Variants in PKHD1 observed in about 807,000 individuals in gnomAD.
The protein encoded by PKHD1 is fibrocystin.
In PKHD1, 291 loss-of-function variants were observed where a neutral mutation model predicts 412.0. That is an observed-to-expected ratio of 0.71 (90% confidence interval 0.64 to 0.78). The LOEUF (loss-of-function observed/expected upper bound fraction) is 0.78. Ranked by LOEUF, PKHD1 falls within the 30% of genes least tolerant of loss-of-function variation. The probability of loss-of-function intolerance (pLI) is 0.00; values close to 1 mark genes in which losing one functional copy is unlikely to be tolerated. For synonymous variants in PKHD1, 1,777 were observed against 1,821.5 expected (o/e 0.98, Z 0.62); for missense variants, 4,825 against 4,950.7 (o/e 0.97, Z 0.76).
At chr6:51,977,440 T>G (rs996861609) in intron 35 of PKHD1, among the ~76,000 whole-genome samples, 2 of 152,238 alleles carry the variant, frequency 1.3e-5, no homozygotes, top group Non-Finnish European at 2.9e-5. Flanking sequence ...TTGCCTCCAT[T>G]AGCTTCATCG....
rs563681265 is a variant in PKHD1 at position 51,852,843 on chromosome 6, G to C, written c.7911+3050C>G. Reference sequence around the variant, plus strand: ...GGTCTCCTGAATACAGCACACTGATGGGTGCCTGACTCCTTATCCAATTTG... The same window carrying C: ...GGTCTCCTGAATACAGCACACTGATCGGTGCCTGACTCCTTATCCAATTTG... On this transcript the variant is annotated intron_variant, in intron 49 of 66. Coordinates refer to ENST00000371117, the MANE Select transcript of PKHD1 (RefSeq NM_138694.4). Among the ~76,000 whole-genome samples the C allele has an allele frequency of 1.3e-3, 195 of 151,980 alleles. 1 individual carries two copies. Among genetic ancestry groups the C allele is most frequent in the Middle Eastern group, 0.01 (3 of 292 alleles).
intron 43 of PKHD1, among the ~76,000 whole-genome samples, chr6:51,899,082 G>T (rs1443041350): frequency 6.6e-6 from 1 of 152,204 alleles, no homozygotes; most frequent in African/African-American, 2.4e-5. Context: ...AATTCTACCA[G>T]AGGTACAAGG....
intron 37 of PKHD1, among the ~76,000 whole-genome samples, chr6:51,929,741 C>T (rs1162927048): frequency 1.3e-5 from 2 of 152,212 alleles, no homozygotes; most frequent in Non-Finnish European, 2.9e-5. Flanking sequence ...TAGACCACTG[C>T]TTTTATTTAT....
chr6:51,766,169 CAAAT>C (rs1269409345), intron 55 of PKHD1, among the ~76,000 whole-genome samples: 6 of 152,138 alleles, frequency 3.9e-5, no homozygotes, highest in African/African-American at 1.2e-4. Flanking sequence ...AAAATCATGT[CAAAT>C]AAATAATTTT....
intron 36 of PKHD1, among the ~76,000 whole-genome samples, chr6:51,956,419 T>C (rs1418278599): frequency 6.6e-6 from 1 of 151,964 alleles, no homozygotes; most frequent in East Asian, 1.9e-4. Context: ...TATACACTTC[T>C]TAAATTTCAC....
chr6:52,086,494 C>T (rs935760765), intron 1 of PKHD1, among the ~76,000 whole-genome samples: 54 of 151,918 alleles, frequency 3.6e-4, no homozygotes, highest in Non-Finnish European at 6.5e-4. Flanking sequence ...ACAATATACT[C>T]CCCCCCTCAA....
Position 51,799,134 on chromosome 6 carries a change from C to G in PKHD1, c.8303-7761G>C, listed in dbSNP as rs913961486. Among the ~76,000 whole-genome samples the G allele has an allele frequency of 1.1e-4, 17 of 149,992 alleles. No homozygotes were observed. In the East Asian group the frequency reaches 1.2e-3, roughly 11 times the overall value. On this transcript the variant is annotated intron_variant, in intron 52 of 66. Coordinates refer to ENST00000371117, the MANE Select transcript of PKHD1 (RefSeq NM_138694.4). ...AGGACCTAGAAGAATAATATTTAAC[C>G]CATAATAGATGGTCAAAATTAACAC...
At position 51,738,733 on chromosome 6, in the gene PKHD1, A is replaced by C. The variant is rs141263051; in HGVS notation, c.10156+5652T>G. Among the ~76,000 whole-genome samples the C allele has an allele frequency of 5.8e-4, 88 of 152,282 alleles. 2 individuals are homozygous for C. The East Asian group carries it at 0.014, about 25-fold the overall frequency. Reference sequence around the variant, plus strand: ...AACTGCTTCTTCTCTCAAAAACTGCACACAGTGGTCTCCTTTCCACCCACC... The same window carrying C: ...AACTGCTTCTTCTCTCAAAAACTGCCCACAGTGGTCTCCTTTCCACCCACC... On this transcript the variant is annotated intron_variant, in intron 60 of 66. Coordinates refer to ENST00000371117, the MANE Select transcript of PKHD1 (RefSeq NM_138694.4).
chr6:51,739,560 C>T (rs1784298496), intron 60 of PKHD1, among the ~76,000 whole-genome samples: 1 of 152,056 alleles, frequency 6.6e-6, no homozygotes, highest in Admixed American at 6.6e-5. Context: ...TGTTTATGTA[C>T]CTCTGGAATT....
chr6:52,016,461 C>A (rs1276755677), intron 34 of PKHD1, among the ~76,000 whole-genome samples: 1 of 151,764 alleles, frequency 6.6e-6, no homozygotes, highest in East Asian at 1.9e-4. Flanking sequence ...CATGATGAAA[C>A]CCTGTCTTTA....
intron 37 of PKHD1, among the ~76,000 whole-genome samples, chr6:51,919,974 T>A (rs532333590): frequency 3.9e-5 from 6 of 152,234 alleles, no homozygotes; most frequent in African/African-American, 7.2e-5. Flanking sequence ...GCACACTGAT[T>A]TTGTATCCTG....
At chr6:51,903,119 T>A (rs1781532526) in intron 43 of PKHD1, among the ~76,000 whole-genome samples, 1 of 152,244 alleles carries the variant, frequency 6.6e-6, no homozygotes, top group Non-Finnish European at 1.5e-5. Context: ...ATATCTACTT[T>A]GTTTTGCTCC....
Position 51,909,295 on chromosome 6 carries a change from C to G in PKHD1, c.6670G>C (p.Gly2224Arg), listed in dbSNP as rs759687904. The stretch of plus-strand genomic sequence containing the variant: ...CGGACCCCCTTACCTCTCATAGCTC[C>G]CACCAGAGTGAGTGAGCTCAGATGC... ...HKHLSSLTLV[G>R]AMRESFIQGC... is the part of the protein sequence containing the mutation. The change falls in exon 40 of 67, where the codon GGA becomes CGA. Residue 2224 changes from glycine to arginine, a missense_variant. Physicochemically the swap from Gly to Arg is moderately radical, Grantham distance 125. Coordinates refer to ENST00000371117, the MANE Select transcript of PKHD1 (RefSeq NM_138694.4). 8 of 1,612,960 alleles carry G rather than the reference C, an allele frequency of 5.0e-6. No homozygotes were observed. Among genetic ancestry groups the G allele is most frequent in the Non-Finnish European group, 6.8e-6 (8 of 1,179,148 alleles).
intron 60 of PKHD1, among the ~76,000 whole-genome samples, chr6:51,680,979 G>T (rs547293416): frequency 6.6e-6 from 1 of 152,082 alleles, no homozygotes; most frequent in South Asian, 2.1e-4. Flanking sequence ...TTGTGAATTG[G>T]GGTTAAGGAT....
chr6:51,912,894 C>G (rs112901745), intron 37 of PKHD1, among the ~76,000 whole-genome samples: 1 of 152,034 alleles, frequency 6.6e-6, no homozygotes, highest in Non-Finnish European at 1.5e-5. Flanking sequence ...CATATTCTAA[C>G]CCTATTCTTT....
At chr6:51,820,002 A>G (rs1169695498) in intron 52 of PKHD1, among the ~76,000 whole-genome samples, 1 of 152,238 alleles carries the variant, frequency 6.6e-6, no homozygotes, top group Non-Finnish European at 1.5e-5. Flanking sequence ...GCAGATAAAG[A>G]AAATATCAGA....
rs12154128 is a variant in PKHD1 at position 52,073,619 on chromosome 6, G to A, written c.449-78C>T. ...ATAATAAAAAACCATGTTTCTTTTT[G>A]GTTGTATATACTCAATATGGCAAAG... On this transcript the variant is annotated intron_variant, in intron 6 of 66. Transcript: ENST00000371117. The A allele has an allele frequency of 0.035, 30,669 of 875,618 alleles. 789 individuals carry two copies. The highest frequency in any genetic ancestry group is 0.084 in the South Asian group (6,357 of 75,512). 54.2% of individuals were successfully genotyped at this position (875,618 alleles called of 1,614,324 possible).
At chr6:51,695,716 A>C (rs951010878) in intron 60 of PKHD1, among the ~76,000 whole-genome samples, 1 of 152,228 alleles carries the variant, frequency 6.6e-6, no homozygotes, top group Admixed American at 6.5e-5. Context: ...GTTTAAAATA[A>C]TAACAACATG....
chr6:51,873,789 TCATAA>T (rs749079211), intron 46 of PKHD1, among the ~76,000 whole-genome samples: 6 of 151,958 alleles, frequency 3.9e-5, no homozygotes, highest in African/African-American at 1.2e-4. Context: ...GCTAAAATAA[TCATAA>T]CAGAATGGAT....
Sources: allele counts gnomAD v4.1 joint callset (sites outside exome capture counted in the v4.1 genomes callset), GRCh38; gene constraint gnomAD v4.1.1; transcripts MANE v1.5; gene names NCBI Gene and HGNC (gene_info 2026-07-23, HGNC 2026-07-21).